The following CAMK2B variants were observed in gnomAD, a reference collection of about 807,000 sequenced individuals.
The protein encoded by CAMK2B is calcium/calmodulin-dependent protein kinase type II subunit beta.
Under a neutral mutation model 93.7 loss-of-function variants are expected in CAMK2B, and 27 were observed. That is an observed-to-expected ratio of 0.29 (90% confidence interval 0.21 to 0.40). The LOEUF (loss-of-function observed/expected upper bound fraction) is 0.40, where lower values mean the gene tolerates loss of function less well. Ranked by LOEUF, CAMK2B falls within the 10% of genes least tolerant of loss-of-function variation. The probability of loss-of-function intolerance (pLI) is 1.00; values close to 1 mark genes in which losing one functional copy is unlikely to be tolerated. For missense variants in CAMK2B, 568 were observed against 895.8 expected, an observed-to-expected ratio of 0.63 and a Z score of 4.67; for synonymous variants, 374 against 358.8, an observed-to-expected ratio of 1.04 and a Z score of -0.48.
chr7:44,244,929 C>T (rs866328378), intron 6 of CAMK2B: 8 of 456,046 alleles, frequency 1.8e-5, no homozygotes, highest in Middle Eastern at 3.2e-4. Flanking sequence ...CACACGCATC[C>T]GTGTCCACCG....
intron 1 of CAMK2B, among the ~76,000 whole-genome samples, chr7:44,320,249 T>C (rs1795764844): frequency 6.6e-6 from 1 of 152,194 alleles, no homozygotes; most frequent in Non-Finnish European, 1.5e-5. Flanking sequence ...TAGGGGGCCC[T>C]TGGTTTGGAA....
Position 44,262,696 on chromosome 7 carries a change from C to T in CAMK2B, c.220+309G>A, listed in dbSNP as rs184559583. 2.7e-3 allele frequency among the ~76,000 whole-genome samples: 415 copies of T among 152,236 alleles called. 2 individuals are homozygous for T. Among genetic ancestry groups the T allele is most frequent in the Non-Finnish European group, 4.6e-3 (314 of 68,018 alleles). ...TTACCTTCCTCTGCACCAATGCCACCGACAAGACCCAAAGGACAGAGTGGG... is the reference window on the plus strand; with the variant it reads ...TTACCTTCCTCTGCACCAATGCCACTGACAAGACCCAAAGGACAGAGTGGG... On this transcript the variant is annotated intron_variant, in intron 3 of 23. Coordinates refer to ENST00000395749, the MANE Select transcript of CAMK2B (RefSeq NM_001220.5).
In CAMK2B at chr7:44,271,726, G is replaced by A. The variant is rs1452207705; in HGVS notation, c.161-8662C>T. Among the ~76,000 whole-genome samples, 1 of 152,260 alleles carries A rather than the reference G, an allele frequency of 6.6e-6. No individual in the cohort carries two copies. The highest frequency in any genetic ancestry group is 2.4e-5 in the African/African-American group (1 of 41,474). On this transcript the variant is annotated intron_variant, in intron 2 of 23. Transcript: ENST00000395749. The surrounding 1 kb of genome is among the most constrained non-coding windows in gnomAD (Gnocchi z 4.2). ...CTCCCTGGCTGGTAAATGTGAAGTA[G>A]AACCAGTCCTGACCCCAAAGTCAGC...
Position 44,286,854 on chromosome 7 carries a change from C to T in CAMK2B, c.66-2629G>A, listed in dbSNP as rs1350521335. On this transcript the variant is annotated intron_variant, in intron 1 of 23. Coordinates refer to ENST00000395749, the MANE Select transcript of CAMK2B (RefSeq NM_001220.5). This position sits in a 1 kb window ranked among gnomAD's most constrained non-coding sequence, Gnocchi z 4.0. ...AGGAGGAAGGCATGGCTGGGGGCCTCGGGATGAGTGTGGAGTGGGAGCACC... is the reference window on the plus strand; with the variant it reads ...AGGAGGAAGGCATGGCTGGGGGCCTTGGGATGAGTGTGGAGTGGGAGCACC... Among the ~76,000 whole-genome samples the T allele has an allele frequency of 1.3e-5, 2 of 151,926 alleles. No individual in the cohort carries two copies. The highest frequency in any genetic ancestry group is 2.9e-5 in the Non-Finnish European group (2 of 67,946).
chr7:44,237,383 G>A (rs1002245051), intron 13 of CAMK2B, among the ~76,000 whole-genome samples: 2 of 152,242 alleles, frequency 1.3e-5, no homozygotes, highest in African/African-American at 4.8e-5. Flanking sequence ...CAAATGCCAC[G>A]TACAAACCAG....
At chr7:44,289,710 T>C (rs1345169079) in intron 1 of CAMK2B, among the ~76,000 whole-genome samples, 1 of 152,180 alleles carries the variant, frequency 6.6e-6, no homozygotes, top group Non-Finnish European at 1.5e-5. Flanking sequence ...GAGCCGGCAG[T>C]GTGATTCTGC....
At chr7:44,300,093 C>T (rs1188783224) in intron 1 of CAMK2B, among the ~76,000 whole-genome samples, 1 of 151,626 alleles carries the variant, frequency 6.6e-6, no homozygotes, top group Non-Finnish European at 1.5e-5. Context: ...CACTCTGTCA[C>T]CCAGGCTGGA....
intron 1 of CAMK2B, among the ~76,000 whole-genome samples, chr7:44,294,240 T>C (rs1787672762): frequency 6.6e-6 from 1 of 152,116 alleles, no homozygotes. Context: ...CCCCTGTCTG[T>C]GTATCACAGG....
In CAMK2B at chr7:44,218,090, C is replaced by G. The variant is rs950899691; in HGVS notation, c.*1435G>C. ...TTATCTCCATAGCTGCATCCCTGGC[C>G]CACCTAGAAGGTGCCCTCACACGCA... On this transcript the variant is annotated 3_prime_UTR_variant, in exon 24 of 24. Coordinates refer to ENST00000395749, the MANE Select transcript of CAMK2B (RefSeq NM_001220.5). 6.5e-6 allele frequency: 1 copy of G among 152,802 alleles called. No homozygotes were observed. Among genetic ancestry groups the G allele is most frequent in the Non-Finnish European group, 1.5e-5 (1 of 68,496 alleles). The allele number at this position is 152,802 out of a possible 1,614,324, so 9.5% of individuals were successfully genotyped here.
intron 1 of CAMK2B, among the ~76,000 whole-genome samples, chr7:44,319,074 A>T (rs886186751): frequency 6.6e-6 from 1 of 152,264 alleles, no homozygotes; most frequent in Admixed American, 6.5e-5. Context: ...TTAAAAACCA[A>T]GTTGATACAT....
At position 44,286,391 on chromosome 7, in the gene CAMK2B, G is replaced by T. The variant is rs1428952740; in HGVS notation, c.66-2166C>A. 1.3e-5 allele frequency among the ~76,000 whole-genome samples: 2 copies of T among 152,170 alleles called. No homozygotes were observed. The highest frequency in any genetic ancestry group is 6.5e-5 in the Admixed American group (1 of 15,286). Reference sequence around the variant, plus strand: ...CCACACACTGCAGGGTTGACCCTCAGTAGGAAGTTCAACAGACTGCACATC... The same window carrying T: ...CCACACACTGCAGGGTTGACCCTCATTAGGAAGTTCAACAGACTGCACATC... On this transcript the variant is annotated intron_variant, in intron 1 of 23. Coordinates refer to ENST00000395749, the MANE Select transcript of CAMK2B (RefSeq NM_001220.5). This position sits in a 1 kb window ranked among gnomAD's most constrained non-coding sequence, Gnocchi z 4.0.
intron 5 of CAMK2B, among the ~76,000 whole-genome samples, chr7:44,249,533 G>A (rs1247727274): frequency 6.6e-6 from 1 of 152,134 alleles, no homozygotes. Context: ...CATAGATCTT[G>A]GGCTCCTCCT....
chr7:44,315,183 GTTTTC>G (rs1794571756), intron 1 of CAMK2B, among the ~76,000 whole-genome samples: 1 of 152,122 alleles, frequency 6.6e-6, no homozygotes, highest in African/African-American at 2.4e-5. Context: ...TTACTCTTAT[GTTTTC>G]TTCTAAGAAT....
At chr7:44,305,880 T>C (rs890686794) in intron 1 of CAMK2B, among the ~76,000 whole-genome samples, 2 of 152,178 alleles carry the variant, frequency 1.3e-5, no homozygotes, top group Non-Finnish European at 2.9e-5. Context: ...GATGTCATGT[T>C]GTTAGCTTGA....
At chr7:44,298,556 T>A (rs1788949657) in intron 1 of CAMK2B, among the ~76,000 whole-genome samples, 1 of 152,202 alleles carries the variant, frequency 6.6e-6, no homozygotes, top group African/African-American at 2.4e-5. Flanking sequence ...AAATACAAAA[T>A]TTTTGTGCAT....
At chr7:44,250,859 T>C (rs955378634) in intron 5 of CAMK2B, among the ~76,000 whole-genome samples, 3 of 152,178 alleles carry the variant, frequency 2.0e-5, no homozygotes, top group Non-Finnish European at 2.9e-5. Flanking sequence ...TTTTTAAAAA[T>C]GGGTTCTAAA....
intron 1 of CAMK2B, among the ~76,000 whole-genome samples, chr7:44,302,228 G>C (rs1186628990): frequency 6.6e-6 from 1 of 152,124 alleles, no homozygotes; most frequent in Non-Finnish European, 1.5e-5. Context: ...ATATAAACAG[G>C]ACTGTATCTC....
chr7:44,252,951 A>G (rs1406371623), intron 5 of CAMK2B, among the ~76,000 whole-genome samples: 1 of 152,204 alleles, frequency 6.6e-6, no homozygotes, highest in East Asian at 1.9e-4. Flanking sequence ...TTAGAAAAGA[A>G]GCCAGTGTCC....
chr7:44,320,371 T>C (rs1193116200), intron 1 of CAMK2B, among the ~76,000 whole-genome samples: 1 of 152,138 alleles, frequency 6.6e-6, no homozygotes, highest in Non-Finnish European at 1.5e-5. Flanking sequence ...ACAGCATTTT[T>C]AAAGCACAGA....
Sources: allele counts gnomAD v4.1 joint callset (sites outside exome capture counted in the v4.1 genomes callset), GRCh38; gene constraint gnomAD v4.1.1; non-coding constraint Gnocchi (gnomAD v3.1); transcripts MANE v1.5; gene names NCBI Gene and HGNC (gene_info 2026-07-23, HGNC 2026-07-21).